The following PKNOX1 variants were observed in gnomAD, a reference collection of about 807,000 sequenced individuals.
The protein encoded by PKNOX1 is homeobox protein PKNOX1.
A neutral mutation model predicts 51.9 loss-of-function variants in PKNOX1; 15 were observed. That is an observed-to-expected ratio of 0.29 (90% CI 0.19 to 0.45). The LOEUF (loss-of-function observed/expected upper bound fraction) is 0.45. Among genes scored for constraint, PKNOX1 ranks in the 20% least tolerant of loss-of-function variants. The probability of loss-of-function intolerance (pLI) is 1.00; values close to 1 mark genes in which losing one functional copy is unlikely to be tolerated. For missense variants in PKNOX1, 462 were observed against 547.5 expected (o/e 0.84, Z 1.56); for synonymous variants, 219 against 211.1 (o/e 1.04, Z -0.32).
At chr21:43,019,917 G>A (rs1005844813) in intron 7 of PKNOX1, among the ~76,000 whole-genome samples, 3 of 139,818 alleles carry the variant, frequency 2.1e-5, no homozygotes. Context: ...TTTTTTGCAG[G>A]TGCTCTGATT....
At chr21:42,984,083 CGTGTGTGT>C (rs61381629) in intron 1 of PKNOX1, among the ~76,000 whole-genome samples, 81 of 149,324 alleles carry the variant, frequency 5.4e-4, no homozygotes, top group Non-Finnish European at 7.4e-4. Flanking sequence ...CGTGTGTGTG[CGTGTGTGT>C]GTGTGTGTGT....
intron 1 of PKNOX1, among the ~76,000 whole-genome samples, chr21:42,992,701 A>G (rs1353561930): frequency 6.6e-6 from 1 of 151,506 alleles, no homozygotes; most frequent in African/African-American, 2.4e-5. Context: ...TTCTTCACAG[A>G]TTAGAGGAGG....
At chr21:42,996,319 C>T (rs1006877516) in intron 1 of PKNOX1, among the ~76,000 whole-genome samples, 8 of 152,000 alleles carry the variant, frequency 5.3e-5, no homozygotes, top group Non-Finnish European at 7.4e-5. Context: ...GGGCCATGGA[C>T]GGAAAATTTA....
At chr21:42,984,542 C>T (rs2059042139) in intron 1 of PKNOX1, among the ~76,000 whole-genome samples, 1 of 152,094 alleles carries the variant, frequency 6.6e-6, no homozygotes. Flanking sequence ...GCATGTGCCA[C>T]CCCGCCTGGC....
At chr21:43,024,630 C>G in intron 8 of PKNOX1, 1 of 476,244 alleles carries the variant, frequency 2.1e-6, no homozygotes, top group Non-Finnish European at 3.8e-6. Flanking sequence ...CACCGCTGAA[C>G]CGTTAAACGT....
chr21:43,010,845 C>G (rs1261880164), intron 4 of PKNOX1, among the ~76,000 whole-genome samples: 1 of 151,870 alleles, frequency 6.6e-6, no homozygotes, highest in African/African-American at 2.4e-5. Context: ...GCCTGGGTGT[C>G]AGAGTGAGAC....
chr21:43,017,299 C>G (rs1011755560), intron 6 of PKNOX1: 1 of 225,344 alleles, frequency 4.4e-6, no homozygotes, highest in African/African-American at 2.3e-5. Flanking sequence ...AATAACATAG[C>G]TTTTTGTTGT....
At chr21:42,995,896 A>G (rs754368769) in intron 1 of PKNOX1, among the ~76,000 whole-genome samples, 24 of 151,958 alleles carry the variant, frequency 1.6e-4, no homozygotes, top group Non-Finnish European at 2.6e-4. Flanking sequence ...CTCCCCATCT[A>G]TTCATTTATG....
intron 3 of PKNOX1, among the ~76,000 whole-genome samples, chr21:43,008,635 C>T (rs981361964): frequency 2.6e-5 from 4 of 152,000 alleles, no homozygotes; most frequent in African/African-American, 9.7e-5. Context: ...AAATATTAGC[C>T]GGGTGTGGTG....
chr21:42,995,775 G>A (rs2124463), intron 1 of PKNOX1, among the ~76,000 whole-genome samples: 75,888 of 151,984 alleles, frequency 0.5, 18,963 homozygotes, highest in Middle Eastern at 0.59. Flanking sequence ...AGCATCCATC[G>A]ATGATTCCTG....
intron 1 of PKNOX1, among the ~76,000 whole-genome samples, chr21:42,981,778 C>T (rs561065440): frequency 1.6e-3 from 236 of 152,242 alleles, no homozygotes; most frequent in African/African-American, 5.2e-3. Flanking sequence ...CTGTTTTAGT[C>T]GGGTTCTCAG....
intron 7 of PKNOX1, among the ~76,000 whole-genome samples, chr21:43,018,978 G>A (rs1020233795): frequency 3.3e-5 from 5 of 151,924 alleles, no homozygotes; most frequent in South Asian, 2.1e-4. Flanking sequence ...CCAGCTACTC[G>A]GGAGGCTGAG....
At chr21:42,993,303 A>T (rs540471364) in intron 1 of PKNOX1, among the ~76,000 whole-genome samples, 1 of 152,226 alleles carries the variant, frequency 6.6e-6, no homozygotes, top group East Asian at 1.9e-4. Context: ...TGACTGAACG[A>T]ATGTCCGTCT....
At chr21:43,017,893 G>A in intron 6 of PKNOX1, 3 of 378,028 alleles carry the variant, frequency 7.9e-6, no homozygotes, top group Non-Finnish European at 9.5e-6. Flanking sequence ...ATCAAACCAG[G>A]GATTTTATTC....
chr21:42,997,069 T>C (rs149328294), intron 1 of PKNOX1, among the ~76,000 whole-genome samples: 1 of 152,172 alleles, frequency 6.6e-6, no homozygotes, highest in Non-Finnish European at 1.5e-5. Context: ...TTAGTAGAGA[T>C]GGGGTTTCGC....
intron 1 of PKNOX1, among the ~76,000 whole-genome samples, chr21:42,990,105 A>AT (rs2059078544): frequency 2.0e-5 from 3 of 151,924 alleles, no homozygotes; most frequent in Admixed American, 6.6e-5. Context: ...TCAAAAAAAA[A>AT]AAAATAATAA....
At chr21:43,027,469 C>T (rs1256932007) in intron 9 of PKNOX1, among the ~76,000 whole-genome samples, 1 of 152,156 alleles carries the variant, frequency 6.6e-6, no homozygotes, top group Non-Finnish European at 1.5e-5. Context: ...AAAAGCTGGC[C>T]TAGGGATTTG....
chr21:43,022,187 G>T (rs773989730), intron 8 of PKNOX1, among the ~76,000 whole-genome samples: 3 of 152,334 alleles, frequency 2.0e-5, no homozygotes, highest in Non-Finnish European at 2.9e-5. Flanking sequence ...ATTGTTGTGA[G>T]GCTGTGGCCA....
intron 1 of PKNOX1, among the ~76,000 whole-genome samples, chr21:42,977,223 GACCACTGGCTTCAGCTTAAAGTC>G (rs1226951767): frequency 6.6e-6 from 1 of 152,144 alleles, no homozygotes; most frequent in Non-Finnish European, 1.5e-5. Flanking sequence ...AATGGTCAAA[GACCACTGGCTTCAGCTTAAAGTC>G]ACCAGTGACA....
Sources: gnomAD v4.1 joint callset for allele counts (sites outside exome capture counted in the v4.1 genomes callset) on GRCh38, gnomAD v4.1.1 for gene constraint, MANE v1.5 for transcripts, NCBI Gene and HGNC (gene_info 2026-07-23, HGNC 2026-07-21) for gene names.